MACF1: variants seen among roughly 807,000 people sequenced by gnomAD.
MACF1 encodes the protein microtubule actin crosslinking factor 1.
In MACF1, 193 loss-of-function variants were observed where a neutral mutation model predicts 854.8. That is an observed-to-expected ratio of 0.23 (90% CI 0.20 to 0.25). MACF1 has a LOEUF of 0.25. Among genes scored for constraint, MACF1 ranks in the 10% least tolerant of loss-of-function variants. The pLI is 1.00. For missense variants in MACF1, 7,722 were observed against 8,929.1 expected, an observed-to-expected ratio of 0.86 and a Z score of 5.45; for synonymous variants, 3,185 against 3,226.7, an observed-to-expected ratio of 0.99 and a Z score of 0.44.
Position 39,332,864 on chromosome 1 carries a change from T to G in MACF1, c.6276T>G (p.Ile2092Met). ...AACAAAAAGAGAGAAATCCAAACAT[T>G]GATGCTTTGAAGGTAATAAATAAAG... ...FVEQKERNPNIDALKVINKVK... is the reference protein window; with the variant it reads ...FVEQKERNPNMDALKVINKVK... The change falls in exon 37 of 101, where the codon ATT (isoleucine) becomes ATG (methionine). Residue 2092 changes from isoleucine (I) to methionine (M), a missense_variant. Ile to Met is a conservative substitution (Grantham distance 10). Around this residue, in one of 15 missense-constraint regions of MACF1, gnomAD observed 1,531 missense variants for 1,601.6 expected, o/e 0.96. Transcript: ENST00000564288. The G allele has an allele frequency of 6.2e-7, 1 of 1,614,020 alleles. No individual in the cohort carries two copies. The highest frequency in any genetic ancestry group is 1.1e-5 in the South Asian group (1 of 91,078).
Position 39,287,377 on chromosome 1 carries a change from C to T in MACF1, c.1600C>T (p.Pro534Ser). The change falls in exon 15 of 101, where the codon CCA becomes TCA. Residue 534 changes from proline (P) to serine (S), a missense_variant. Physicochemically the swap from Pro to Ser is moderately conservative, Grantham distance 74 (BLOSUM62 -1). Coordinates refer to ENST00000564288, the MANE Select transcript of MACF1 (RefSeq NM_001394062.1). ...TCATTTCACTTCACTTGAATTGGTT[C>T]CACCCTCTACTTTAACCACCACTCA... Reference protein sequence around the residue: ...KGHFTSLELVPPSTLTTTHLK... With the variant: ...KGHFTSLELVSPSTLTTTHLK... 1 of 1,614,082 alleles carries T rather than the reference C, an allele frequency of 6.2e-7. No individual in the cohort carries two copies.
At chr1:39,393,192 AAAAAATATATATATAT>A (rs1291934458) in intron 58 of MACF1, among the ~76,000 whole-genome samples, 2 of 84,680 alleles carry the variant, frequency 2.4e-5, no homozygotes, top group Admixed American at 1.2e-4. Flanking sequence ...AAAAAAAAAA[AAAAAATATATATATAT>A]ATATATATAT....
rs566099206 is a variant in MACF1 at position 39,406,494 on chromosome 1, TTTGGGAGG to T, written c.15817-15879_15817-15872del. Among the ~76,000 whole-genome samples the T allele has an allele frequency of 1.4e-3, 215 of 152,304 alleles. 2 individuals carry two copies. The highest frequency in any genetic ancestry group is 5.0e-3 in the African/African-American group (207 of 41,558). On this transcript the variant is annotated intron_variant, in intron 58 of 100. Transcript: ENST00000564288. ...GTAGCTACGCCTGTAATCCCAGCAC[TTTGGGAGG>T]CTGAGGTGAGTGGATCACCTGAGGT...
chr1:39,226,384 G>A lies in MACF1; in HGVS notation c.110-4798G>A, dbSNP rs957695307. ...GAGATGGAGTCTTGCGCTGTTGCCC[G>A]AGCTGGAATGCAGTGGCACGATCTC... is the stretch of plus-strand genomic sequence containing the variant. On this transcript the variant is annotated intron_variant, in intron 1 of 100. Coordinates refer to ENST00000564288, the MANE Select transcript of MACF1 (RefSeq NM_001394062.1). Among the ~76,000 whole-genome samples, 8 of 149,832 alleles carry A rather than the reference G, an allele frequency of 5.3e-5. No homozygotes were observed. In the East Asian group the frequency reaches 1.4e-3, roughly 26 times the overall value.
chr1:39,128,904 C>T (rs891202910), intron 2 of MACF1, among the ~76,000 whole-genome samples: 4 of 152,112 alleles, frequency 2.6e-5, no homozygotes, highest in East Asian at 1.9e-4. Context: ...CATGAAATGC[C>T]GTGTATCGTC....
chr1:39,225,514 C>T (rs949035402), intron 1 of MACF1, among the ~76,000 whole-genome samples: 3 of 152,158 alleles, frequency 2.0e-5, no homozygotes, highest in African/African-American at 7.2e-5. Context: ...CCACGCCCGG[C>T]CATAGCAAAT....
chr1:39,201,882 G>A (rs1350559814), upstream of MACF1, among the ~76,000 whole-genome samples: 1 of 149,778 alleles, frequency 6.7e-6, no homozygotes, highest in Non-Finnish European at 1.5e-5. Flanking sequence ...ACGTAATTCT[G>A]CCTCAGGGAC....
chr1:39,331,993 C>T lies in MACF1; in HGVS notation c.5405C>T (p.Ala1802Val), dbSNP rs1646735936. The T allele has an allele frequency of 6.2e-7, 1 of 1,613,938 alleles. No individual in the cohort carries two copies. Reference protein sequence around the residue: ...HNLIDQDMACAILIRQLQTGG... With the variant: ...HNLIDQDMACVILIRQLQTGG... ...CTGATTGACCAAGATATGGCCTGTGCTATCCTCATAAGGCAGCTTCAGACA... is the reference window on the plus strand; with the variant it reads ...CTGATTGACCAAGATATGGCCTGTGTTATCCTCATAAGGCAGCTTCAGACA... Residue 1802 changes from alanine to valine, a missense_variant, in exon 37 of 101, where the codon GCT becomes GTT. By Grantham distance (64) the Ala-to-Val change is moderately conservative. Coordinates refer to ENST00000564288, the MANE Select transcript of MACF1 (RefSeq NM_001394062.1).
At chr1:39,234,322 G>A (rs921307182) in intron 2 of MACF1, among the ~76,000 whole-genome samples, 1 of 151,676 alleles carries the variant, frequency 6.6e-6, no homozygotes, top group African/African-American at 2.4e-5. Context: ...CCCAGACGGG[G>A]TGGTGGCCGG....
chr1:39,292,230 A>G (rs1261052193), intron 16 of MACF1, among the ~76,000 whole-genome samples, 192 bp downstream of exon 16: 1 of 152,212 alleles, frequency 6.6e-6, no homozygotes, highest in Non-Finnish European at 1.5e-5. Context: ...ACTTGTGAGA[A>G]AAGTATTTTT....
At chr1:39,261,397 A>G (rs1645162284) in intron 6 of MACF1, among the ~76,000 whole-genome samples, 1 of 152,236 alleles carries the variant, frequency 6.6e-6, no homozygotes, top group Admixed American at 6.5e-5. Context: ...AATCATCACC[A>G]TAATCTAGTT....
intron 44 of MACF1, among the ~76,000 whole-genome samples, chr1:39,354,452 T>A (rs1303731706): frequency 2.0e-5 from 3 of 152,190 alleles, no homozygotes. Context: ...TTACCCAGGC[T>A]GGAGTGCAGT....
chr1:39,142,029 A>C (rs1362464055), intron 2 of MACF1, among the ~76,000 whole-genome samples: 2 of 152,188 alleles, frequency 1.3e-5, no homozygotes, highest in African/African-American at 4.8e-5. Flanking sequence ...TCTGGTCTGC[A>C]GGCAGTTCCG....
At chr1:39,156,142 T>A (rs527492257) in intron 2 of MACF1, among the ~76,000 whole-genome samples, 1 of 152,224 alleles carries the variant, frequency 6.6e-6, no homozygotes, top group Non-Finnish European at 1.5e-5. Flanking sequence ...CCCAAAGTGC[T>A]GGGATTACAG....
At chr1:39,399,437 C>T (rs1289902061) in intron 58 of MACF1, among the ~76,000 whole-genome samples, 6 of 130,774 alleles carry the variant, frequency 4.6e-5, no homozygotes, top group Non-Finnish European at 7.6e-5. Flanking sequence ...TGCAGTGGTG[C>T]GATCTCGGCT....
At chr1:39,477,722 G>A (rs557479228) in intron 97 of MACF1, among the ~76,000 whole-genome samples, 3 of 152,192 alleles carry the variant, frequency 2.0e-5, no homozygotes, top group Non-Finnish European at 2.9e-5. Context: ...AGTGGAAGAC[G>A]TGGGTTCTAG....
chr1:39,375,744 GA>G (rs751562725), intron 52 of MACF1, among the ~76,000 whole-genome samples: 1 of 152,212 alleles, frequency 6.6e-6, no homozygotes, highest in Non-Finnish European at 1.5e-5. Flanking sequence ...AATTGAGCTA[GA>G]AACTTGAAAG....
At chr1:39,274,109 A>G (rs924710107) in intron 6 of MACF1, among the ~76,000 whole-genome samples, 1 of 152,106 alleles carries the variant, frequency 6.6e-6, no homozygotes, top group African/African-American at 2.4e-5. Context: ...TGAGTTGATA[A>G]TGGTTGAAAC....
intron 56 of MACF1, among the ~76,000 whole-genome samples, chr1:39,383,643 C>T (rs1351988247): frequency 1.3e-5 from 2 of 152,112 alleles, no homozygotes; most frequent in African/African-American, 4.8e-5. Flanking sequence ...TTTGGGAGGC[C>T]AAGGCAGGCA....
Sources: gnomAD v4.1 joint callset for allele counts (sites outside exome capture counted in the v4.1 genomes callset) on GRCh38, gnomAD v4.1.1 for gene constraint, gnomAD v4.1.1 regional missense constraint, MANE v1.5 for transcripts, NCBI Gene and HGNC (gene_info 2026-07-23, HGNC 2026-07-21) for gene names.